Variants in MEIKIN observed in about 807,000 individuals in gnomAD.
The protein encoded by MEIKIN is meiotic kinetochore factor, also known as meiosis-specific kinetochore protein.
At chr5:131,841,145 C>T (rs1456920285) in intron 11 of MEIKIN, among the ~76,000 whole-genome samples, 1 of 152,126 alleles carries the variant, frequency 6.6e-6, no homozygotes, top group Non-Finnish European at 1.5e-5. Context: ...GAAATGCAAG[C>T]TCTAATTCTG....
At chr5:131,912,290 G>GATT (rs766214248) in intron 7 of MEIKIN, among the ~76,000 whole-genome samples, 39 of 150,064 alleles carry the variant, frequency 2.6e-4, no homozygotes, top group Admixed American at 1.4e-3. Flanking sequence ...ATGACAGATT[G>GATT]ATTATTATTA....
At chr5:131,909,626 C>T (rs1437819629) in intron 8 of MEIKIN, among the ~76,000 whole-genome samples, 1 of 152,056 alleles carries the variant, frequency 6.6e-6, no homozygotes, top group East Asian at 1.9e-4. Context: ...AGTGAAGTGA[C>T]AACCCATAGA....
chr5:131,880,152 C>A (rs1224532627), intron 8 of MEIKIN, among the ~76,000 whole-genome samples: 1 of 151,614 alleles, frequency 6.6e-6, no homozygotes, highest in Non-Finnish European at 1.5e-5. Flanking sequence ...TGCAGTGGCG[C>A]GATCTAGGCT....
At chr5:131,853,821 C>T (rs1455191548) in intron 10 of MEIKIN, among the ~76,000 whole-genome samples, 1 of 152,076 alleles carries the variant, frequency 6.6e-6, no homozygotes, top group Non-Finnish European at 1.5e-5. Flanking sequence ...ATAAGAACTA[C>T]TATTACAAAA....
chr5:131,870,706 G>C (rs1750474579), intron 9 of MEIKIN, among the ~76,000 whole-genome samples: 1 of 152,000 alleles, frequency 6.6e-6, no homozygotes. Context: ...TTCATCATTT[G>C]TATCCTATCG....
chr5:131,923,921 C>T (rs1751548522), intron 5 of MEIKIN, among the ~76,000 whole-genome samples: 1 of 152,130 alleles, frequency 6.6e-6, no homozygotes, highest in Non-Finnish European at 1.5e-5. Context: ...TCTATAGCAG[C>T]TCTCTAGAGC....
chr5:131,815,753 G>A (rs529290739), intron 12 of MEIKIN, among the ~76,000 whole-genome samples: 5 of 152,294 alleles, frequency 3.3e-5, no homozygotes, highest in East Asian at 3.9e-4. Context: ...TGTGATTAAC[G>A]TTAATGGAAA....
intron 5 of MEIKIN, among the ~76,000 whole-genome samples, chr5:131,931,047 T>C (rs1021397216): frequency 6.6e-6 from 1 of 152,230 alleles, no homozygotes; most frequent in Non-Finnish European, 1.5e-5. Flanking sequence ...ACAATTTTAC[T>C]TGTATCAGCA....
intron 8 of MEIKIN, among the ~76,000 whole-genome samples, chr5:131,889,062 T>A (rs370856726): frequency 6.2e-4 from 94 of 152,302 alleles, no homozygotes; most frequent in Non-Finnish European, 4.9e-4. Context: ...TCTGTTCCAT[T>A]GGTCTATATC....
intron 11 of MEIKIN, among the ~76,000 whole-genome samples, chr5:131,842,389 A>G (rs1749930910): frequency 6.6e-6 from 1 of 152,184 alleles, no homozygotes; most frequent in South Asian, 2.1e-4. Context: ...TGCTCATTTT[A>G]GAAGAAACTT....
chr5:131,910,886 T>C (rs1751325650), intron 8 of MEIKIN, among the ~76,000 whole-genome samples: 1 of 152,116 alleles, frequency 6.6e-6, no homozygotes, highest in African/African-American at 2.4e-5. Context: ...CCAAGCTTTG[T>C]AAATATTTTC....
chr5:131,894,930 C>T (rs868377269), intron 8 of MEIKIN, among the ~76,000 whole-genome samples: 2 of 152,294 alleles, frequency 1.3e-5, no homozygotes, highest in Middle Eastern at 6.8e-3. Flanking sequence ...GAACTTTCAG[C>T]ACTATGTTGA....
chr5:131,849,617 T>TATATAAAGAAACCTCTTTTCTTTATAA (rs1750077193), intron 11 of MEIKIN, among the ~76,000 whole-genome samples: 1 of 145,526 alleles, frequency 6.9e-6, no homozygotes, highest in African/African-American at 2.5e-5. Flanking sequence ...TTTCTTTATA[T>TATATAAAGAAACCTCTTTTCTTTATAA]ATATAAAGAA....
At chr5:131,903,633 G>A (rs1751194939) in intron 8 of MEIKIN, among the ~76,000 whole-genome samples, 1 of 152,106 alleles carries the variant, frequency 6.6e-6, no homozygotes, top group Non-Finnish European at 1.5e-5. Context: ...GGTCCTAAAA[G>A]GAGTGCTAAA....
At chr5:131,837,574 T>TC (rs1209324471) in intron 11 of MEIKIN, among the ~76,000 whole-genome samples, 1 of 152,150 alleles carries the variant, frequency 6.6e-6, no homozygotes, top group African/African-American at 2.4e-5. Context: ...ATCTTTCACC[T>TC]CCCTAGTTAG....
intron 11 of MEIKIN, among the ~76,000 whole-genome samples, chr5:131,846,654 C>A (rs192176464): frequency 1.6e-4 from 24 of 152,226 alleles, no homozygotes; most frequent in African/African-American, 5.8e-4. Flanking sequence ...AACCCTGTCT[C>A]TACAAAAAAT....
At position 131,816,566 on chromosome 5, in the gene MEIKIN, A is replaced by G. The variant is rs915423974; in HGVS notation, c.1099+2174T>C. ...TATACTTCTACAGCTCCATAACTGT[A>G]TAAGTCAATTCCTTGTTTTATTCTC... is the stretch of plus-strand genomic sequence containing the variant. On this transcript the variant is annotated intron_variant, in intron 12 of 12. Coordinates refer to ENST00000442687, the MANE Select transcript of MEIKIN (RefSeq NM_001303622.2). Among the ~76,000 whole-genome samples, 10 of 152,342 alleles carry G rather than the reference A, an allele frequency of 6.6e-5. No individual in the cohort carries two copies. The South Asian group carries it at 2.1e-3, about 32-fold the overall frequency.
intron 8 of MEIKIN, among the ~76,000 whole-genome samples, chr5:131,892,820 T>A (rs995172128): frequency 6.6e-6 from 1 of 152,212 alleles, no homozygotes; most frequent in African/African-American, 2.4e-5. Flanking sequence ...GTTTTTCTGC[T>A]CTGTTTTTTC....
intron 7 of MEIKIN, among the ~76,000 whole-genome samples, chr5:131,914,199 G>A (rs1326689504): frequency 6.6e-6 from 1 of 151,994 alleles, no homozygotes; most frequent in East Asian, 1.9e-4. Flanking sequence ...CTTGGCCTTA[G>A]AATTCTTAGC....
Sources: allele counts gnomAD v4.1 joint callset (sites outside exome capture counted in the v4.1 genomes callset), GRCh38; gene constraint gnomAD v4.1.1; transcripts MANE v1.5; gene names NCBI Gene and HGNC (gene_info 2026-07-23, HGNC 2026-07-21).